Variants in CTH observed in about 807,000 individuals in gnomAD.
CTH encodes cystathionase (cystathionine gamma-lyase).
Under a neutral mutation model 50.6 loss-of-function variants are expected in CTH, and 41 were observed. The observed-to-expected ratio is 0.81, with a 90% CI of 0.63 to 1.05. The LOEUF is 1.05. CTH is among the 50% of genes least tolerant of loss of function. The probability of loss-of-function intolerance (pLI) is 0.00; values close to 1 mark genes in which losing one functional copy is unlikely to be tolerated. For synonymous variants in CTH, 156 were observed against 168.9 expected (o/e 0.92, Z 0.59); for missense variants, 470 against 492.6 (o/e 0.95, Z 0.43).
At position 70,417,950 on chromosome 1, in the gene CTH, T is replaced by C. The variant is rs1362194764; in HGVS notation, c.264T>C (p.Ala88=). 1 of 1,614,108 alleles carries C rather than the reference T, an allele frequency of 6.2e-7. No homozygotes were observed. The highest frequency in any genetic ancestry group is 2.2e-5 in the East Asian group (1 of 44,866). Residue 88 remains alanine, a synonymous_variant, in exon 3 of 12, where the codon GCT becomes GCC. Coordinates refer to ENST00000370938, the MANE Select transcript of CTH (RefSeq NM_001902.6). ...TTTTTATTTTAGGTTTGGCCTTTGC[T>C]TCAGGTTTAGCAGCCACTGTAACTA... ...LDGAKYCLAF[A]SGLAATVTIT...
chr1:70,421,986 C>T (rs113914381), intron 4 of CTH, among the ~76,000 whole-genome samples: 125 of 152,056 alleles, frequency 8.2e-4, no homozygotes, highest in African/African-American at 1.2e-3. Flanking sequence ...TTTATAGAAA[C>T]GGGAGTGTGA....
At position 70,430,370 on chromosome 1, in the gene CTH, A is replaced by G. The variant is rs1684437867; in HGVS notation, c.700A>G (p.Asn234Asp). The change falls in exon 7 of 12, where the codon AAT (asparagine) becomes GAT (aspartate). Residue 234 changes from asparagine (N) to aspartate (D), a missense_variant. Transcript: ENST00000370938. ...GTCTGTTAATTGTGAAAGCCTTCAT[A>G]ATAGACTTCGTTTCTTGCAAAACTG... ...LVSVNCESLH[N>D]RLRFLQNSLG... is the part of the protein sequence containing the mutation. 3 of 1,591,676 alleles carry G rather than the reference A, an allele frequency of 1.9e-6. No individual in the cohort carries two copies. The highest frequency in any genetic ancestry group is 2.6e-6 in the Non-Finnish European group (3 of 1,159,672).
chr1:70,436,785 C>G (rs1684608075), intron 10 of CTH, among the ~76,000 whole-genome samples: 1 of 152,178 alleles, frequency 6.6e-6, no homozygotes, highest in South Asian at 2.1e-4. Context: ...AGGGCACACT[C>G]AGCATGTGAA....
rs575026209 is a variant in CTH at position 70,418,787 on chromosome 1, A to C, written c.346+755A>C. Among the ~76,000 whole-genome samples, 16 of 152,098 alleles carry C rather than the reference A, an allele frequency of 1.1e-4. 1 individual carries two copies. Among genetic ancestry groups the C allele is most frequent in the African/African-American group, 3.9e-4 (16 of 41,444 alleles). ...TTTGGCACCAGGGAAACTTTCAAAA[A>C]TTTGTTGAGAGATATGGGCCTCTTT... On this transcript the variant is annotated intron_variant, in intron 3 of 11. Transcript: ENST00000370938.
At chr1:70,424,681 G>A (rs112498880) in intron 5 of CTH, among the ~76,000 whole-genome samples, 26 of 152,270 alleles carry the variant, frequency 1.7e-4, no homozygotes, top group African/African-American at 5.5e-4. Context: ...GGTGGCTCAC[G>A]CCTGTAATCC....
chr1:70,432,512 A>C (rs149831554), intron 8 of CTH, among the ~76,000 whole-genome samples: 1 of 152,156 alleles, frequency 6.6e-6, no homozygotes, highest in African/African-American at 2.4e-5. Flanking sequence ...TGTGATTTGA[A>C]GGCTTGTGTA....
Position 70,419,935 on chromosome 1 carries a change from A to G in CTH, c.347-1631A>G, listed in dbSNP as rs1174058997. ...CTATTTCCTATCTGAACAAAAAGTT[A>G]AATCACTAAGTCCTTTAAAACAGCA... On this transcript the variant is annotated intron_variant, in intron 3 of 11. Transcript: ENST00000370938. 3.3e-5 allele frequency among the ~76,000 whole-genome samples: 5 copies of G among 152,090 alleles called. No individual in the cohort carries two copies. The East Asian group carries it at 9.6e-4, about 29-fold the overall frequency.
rs200608586 is a variant in CTH, at chr1:70,432,170, A to G, written c.812A>G (p.Lys271Arg). 2 of 1,614,234 alleles carry G rather than the reference A, an allele frequency of 1.2e-6. No individual in the cohort carries two copies. The highest frequency in any genetic ancestry group is 2.2e-5 in the East Asian group (1 of 44,886). ...TLHVRMEKHF[K>R]NGMAVAQFLE... ...CATGTCCGAATGGAAAAGCATTTCA[A>G]AAACGGAATGGCAGTTGCCCAGTTC... Residue 271 changes from lysine to arginine, a missense_variant, in exon 8 of 12, where the codon AAA becomes AGA. Lys to Arg is a conservative substitution (Grantham distance 26). Coordinates refer to ENST00000370938, the MANE Select transcript of CTH (RefSeq NM_001902.6).
At chr1:70,438,606 G>C (rs1684648110) in intron 10 of CTH, 82 bp from the exon 11 acceptor site, 1 of 1,488,898 alleles carries the variant, frequency 6.7e-7, no homozygotes, top group East Asian at 2.3e-5. Flanking sequence ...AAAATGTTGA[G>C]GGTAATTGCA....
At chr1:70,431,934 TC>T (rs1684483880) in intron 7 of CTH, 148 bp from the exon 8 acceptor site, 1 of 769,788 alleles carries the variant, frequency 1.3e-6, no homozygotes, top group East Asian at 2.6e-5. Context: ...TTCTTCTGCT[TC>T]TGATTTGATA....
intron 5 of CTH, among the ~76,000 whole-genome samples, chr1:70,426,602 C>A (rs1684351444): frequency 6.6e-6 from 1 of 152,206 alleles, no homozygotes; most frequent in Non-Finnish European, 1.5e-5. Flanking sequence ...AAGCACACTT[C>A]CTGGCTACAT....
At chr1:70,434,557 A>G (rs969125309) in intron 9 of CTH, among the ~76,000 whole-genome samples, 5 of 152,104 alleles carry the variant, frequency 3.3e-5, no homozygotes, top group Non-Finnish European at 7.4e-5. Flanking sequence ...AAACATTTGT[A>G]AAGTTTTATG....
intron 5 of CTH, among the ~76,000 whole-genome samples, chr1:70,427,547 C>T (rs1021554565): frequency 6.6e-6 from 1 of 152,134 alleles, no homozygotes; most frequent in Non-Finnish European, 1.5e-5. Context: ...CCTTAGGCCT[C>T]ACCTACTTTG....
At position 70,439,395 on chromosome 1, in the gene CTH, T is replaced by A; in HGVS notation, c.*268T>A. On this transcript the variant is annotated 3_prime_UTR_variant, in exon 12 of 12. Coordinates refer to ENST00000370938, the MANE Select transcript of CTH (RefSeq NM_001902.6). ...GAAGGAGGTGAGATTTGTGCTACTT[T>A]GGGAGATTATGTTCTTTTTTCATGT... The A allele has an allele frequency of 2.2e-6, 1 of 448,246 alleles. No homozygotes were observed. Among genetic ancestry groups the A allele is most frequent in the Non-Finnish European group, 4.0e-6 (1 of 251,474 alleles). The allele number at this position is 448,246 out of a possible 1,614,324, so 27.8% of individuals were successfully genotyped here.
Position 70,429,780 on chromosome 1 carries a change from A to C in CTH, c.589-14A>C. The C allele has an allele frequency of 2.5e-6, 4 of 1,601,536 alleles. No homozygotes were observed. Among genetic ancestry groups the C allele is most frequent in the Middle Eastern group, 1.7e-4 (1 of 6,026 alleles). The stretch of plus-strand genomic sequence containing the variant: ...AATTGTTTCTCATTTAAAGTAAAAA[A>C]CTTGTTCTTTCAGCGCCCTTTGGCT... On this transcript the variant is annotated splice_polypyrimidine_tract_variant and intron_variant, in intron 5 of 11. Coordinates refer to ENST00000370938, the MANE Select transcript of CTH (RefSeq NM_001902.6).
intron 4 of CTH, 145 bp from the exon 5 acceptor site, chr1:70,424,140 G>A: frequency 6.8e-7 from 1 of 1,466,982 alleles, no homozygotes; most frequent in Middle Eastern, 1.8e-4. Flanking sequence ...TGCAGGTAAG[G>A]CTGGGATTCA....
At position 70,422,383 on chromosome 1, in the gene CTH, C is replaced by A. The variant is rs564567131; in HGVS notation, c.456+708C>A. 2.6e-5 allele frequency among the ~76,000 whole-genome samples: 4 copies of A among 152,224 alleles called. No individual in the cohort carries two copies. In the East Asian group the frequency reaches 5.8e-4, roughly 22 times the overall value. On this transcript the variant is annotated intron_variant, in intron 4 of 11. Transcript: ENST00000370938. ...GTGTGGATAAAAGAAGGACCAGTGT[C>A]TTTTATAAGTCAGCTGTTTACAACT... is the stretch of plus-strand genomic sequence containing the variant.
At chr1:70,413,739 C>CT (rs765540452) in intron 1 of CTH, among the ~76,000 whole-genome samples, 16,629 of 118,186 alleles carry the variant, frequency 0.14, 1,643 homozygotes, top group East Asian at 0.4. Context: ...TGCTTAATAT[C>CT]TTTTTTTTTT....
At chr1:70,412,032 G>T (rs1245068180) in intron 1 of CTH, among the ~76,000 whole-genome samples, 1 of 152,148 alleles carries the variant, frequency 6.6e-6, no homozygotes, top group African/African-American at 2.4e-5. Context: ...ATACGTGCTC[G>T]TATATATCAT....
Sources: gnomAD v4.1 joint callset for allele counts (sites outside exome capture counted in the v4.1 genomes callset) on GRCh38, gnomAD v4.1.1 for gene constraint, MANE v1.5 for transcripts, NCBI Gene and HGNC (gene_info 2026-07-23, HGNC 2026-07-21) for gene names.